Variants in SLC14A2 observed in about 807,000 individuals in gnomAD.
The protein encoded by SLC14A2 is urea transporter 2.
In SLC14A2, 91 loss-of-function variants were observed where a neutral mutation model predicts 104.6. That is an observed-to-expected ratio of 0.87 (90% CI 0.73 to 1.04). SLC14A2 has a LOEUF of 1.04. Among genes scored for constraint, SLC14A2 ranks in the 50% least tolerant of loss-of-function variants. The probability of loss-of-function intolerance (pLI) is 0.00; values close to 1 mark genes in which losing one functional copy is unlikely to be tolerated. For missense variants in SLC14A2, 1,189 were observed against 1,156.0 expected (o/e 1.03, Z -0.41); for synonymous variants, 476 against 466.4 (o/e 1.02, Z -0.27).
chr18:45,176,025 G>A, the SLC14A2 span, among the ~76,000 whole-genome samples: 1 of 152,166 alleles, frequency 6.6e-6, no homozygotes, highest in African/African-American at 2.4e-5. Context: ...ACGGAATGGA[G>A]AATATATCCT....
At chr18:45,284,542 G>A (rs1256887238) in intron 1 of SLC14A2, among the ~76,000 whole-genome samples, 1 of 151,580 alleles carries the variant, frequency 6.6e-6, no homozygotes, top group Non-Finnish European at 1.5e-5. Flanking sequence ...GGCTCTAGTA[G>A]CTCTACCTCC....
At chr18:45,197,757 C>T in the SLC14A2 span, among the ~76,000 whole-genome samples, 1 of 152,210 alleles carries the variant, frequency 6.6e-6, no homozygotes, top group African/African-American at 2.4e-5. Flanking sequence ...GAAGTGTGAC[C>T]ATTCATGTTG....
chr18:45,235,813 G>GTGTA (rs1568113472), intron 1 of SLC14A2, among the ~76,000 whole-genome samples: 1 of 93,464 alleles, frequency 1.1e-5, no homozygotes, highest in Non-Finnish European at 2.0e-5. Flanking sequence ...GTGTGTGTGT[G>GTGTA]TATATATATA....
intron 10 of SLC14A2, among the ~76,000 whole-genome samples, chr18:45,654,681 G>A (rs1035271657): frequency 2.6e-5 from 4 of 152,136 alleles, no homozygotes; most frequent in South Asian, 2.1e-4. Context: ...AGGAAACCAC[G>A]GCTTGTACAG....
chr18:45,515,830 A>C (rs1297124997), intron 2 of SLC14A2, among the ~76,000 whole-genome samples: 1 of 152,224 alleles, frequency 6.6e-6, no homozygotes, highest in Non-Finnish European at 1.5e-5. Context: ...CAGAGAAAGA[A>C]GGATTCAGAC....
chr18:45,615,279 A>T (rs565261354), upstream of SLC14A2: 1 of 152,224 alleles, frequency 6.6e-6, no homozygotes, highest in Non-Finnish European at 1.5e-5. Flanking sequence ...CAGGGGCAGA[A>T]TGATATGGTT....
intron 1 of SLC14A2, among the ~76,000 whole-genome samples, chr18:45,322,328 G>A (rs1297387542): frequency 6.6e-6 from 1 of 152,142 alleles, no homozygotes; most frequent in Non-Finnish European, 1.5e-5. Flanking sequence ...TAAATGCTCT[G>A]TGACTCAGTG....
At chr18:45,600,986 G>A (rs1298773485) in intron 2 of SLC14A2, among the ~76,000 whole-genome samples, 1 of 152,080 alleles carries the variant, frequency 6.6e-6, no homozygotes, top group East Asian at 1.9e-4. Flanking sequence ...TCTGCCCAGG[G>A]TCATAATGCA....
intron 1 of SLC14A2, among the ~76,000 whole-genome samples, chr18:45,434,536 T>C (rs1282590674): frequency 6.6e-6 from 1 of 152,210 alleles, no homozygotes; most frequent in African/African-American, 2.4e-5. Flanking sequence ...TATGCACATG[T>C]GGATAGCACC....
At chr18:45,390,670 C>A (rs1286491135) in intron 1 of SLC14A2, among the ~76,000 whole-genome samples, 1 of 152,072 alleles carries the variant, frequency 6.6e-6, no homozygotes, top group African/African-American at 2.4e-5. Context: ...GGAAGGGGTA[C>A]AATTTCAGAT....
intron 1 of SLC14A2, among the ~76,000 whole-genome samples, chr18:45,358,034 C>G (rs2086992189): frequency 1.3e-5 from 2 of 152,180 alleles, no homozygotes; most frequent in African/African-American, 4.8e-5. Context: ...AATAAACTCT[C>G]TGAAGGAGAG....
At chr18:45,339,423 G>A (rs917902843) in intron 1 of SLC14A2, among the ~76,000 whole-genome samples, 12 of 152,208 alleles carry the variant, frequency 7.9e-5, no homozygotes, top group African/African-American at 2.7e-4. Flanking sequence ...AATGCCTGCA[G>A]TAGGTGCCTC....
chr18:45,567,635 G>C (rs1197791293), intron 2 of SLC14A2, among the ~76,000 whole-genome samples: 2 of 152,180 alleles, frequency 1.3e-5, no homozygotes, highest in Non-Finnish European at 2.9e-5. Context: ...CCTGGGGAGT[G>C]TGAGGAAGGC....
chr18:45,454,443 A>G (rs1019363817), intron 1 of SLC14A2, among the ~76,000 whole-genome samples: 1 of 152,114 alleles, frequency 6.6e-6, no homozygotes, highest in African/African-American at 2.4e-5. Flanking sequence ...TTTTCCTCCC[A>G]TTCTGTAGGT....
chr18:45,357,051 C>T (rs1235295588), intron 1 of SLC14A2, among the ~76,000 whole-genome samples: 1 of 152,112 alleles, frequency 6.6e-6, no homozygotes, highest in Non-Finnish European at 1.5e-5. Flanking sequence ...GGGTTATATA[C>T]ATTCTAGAAG....
At chr18:45,175,273 G>A in the SLC14A2 span, among the ~76,000 whole-genome samples, 2 of 151,900 alleles carry the variant, frequency 1.3e-5, no homozygotes, top group Non-Finnish European at 2.9e-5. Context: ...TCCACACAGT[G>A]AAATAATACG....
chr18:45,660,993 G>A (rs1400674330), intron 10 of SLC14A2, among the ~76,000 whole-genome samples: 1 of 152,202 alleles, frequency 6.6e-6, no homozygotes, highest in East Asian at 1.9e-4. Context: ...TCCCTGGGTG[G>A]TCTATAGCCC....
chr18:45,408,675 G>A (rs1040958313), intron 1 of SLC14A2, among the ~76,000 whole-genome samples: 1 of 152,064 alleles, frequency 6.6e-6, no homozygotes, highest in African/African-American at 2.4e-5. Context: ...TCTTATCTGT[G>A]GACCACAGAG....
intron 1 of SLC14A2, among the ~76,000 whole-genome samples, chr18:45,237,827 C>A (rs1264547061): frequency 6.6e-6 from 1 of 152,176 alleles, no homozygotes; most frequent in African/African-American, 2.4e-5. Flanking sequence ...GTCTGCAGGG[C>A]CCCTGGGAGT....
Sources: allele counts gnomAD v4.1 joint callset (sites outside exome capture counted in the v4.1 genomes callset), GRCh38; gene constraint gnomAD v4.1.1; transcripts MANE v1.5; gene names NCBI Gene and HGNC (gene_info 2026-07-23, HGNC 2026-07-21).